The following INSL6 variants were observed in gnomAD, a reference collection of about 807,000 sequenced individuals.
The protein encoded by INSL6 is insulin-like peptide INSL6.
A neutral mutation model predicts 9.4 loss-of-function variants in INSL6; 16 were observed. That is an observed-to-expected ratio of 1.70 (90% CI 1.15 to 2.59). The LOEUF (loss-of-function observed/expected upper bound fraction) is 2.59. Ranked by LOEUF, INSL6 falls within the 30% of genes most tolerant of loss-of-function variation. INSL6 has a pLI of 0.00. For missense variants in INSL6, 391 were observed against 257.3 expected, an observed-to-expected ratio of 1.52 and a Z score of -3.56; for synonymous variants, 154 against 96.9, an observed-to-expected ratio of 1.59 and a Z score of -3.46.
At chr9:5,154,215 A>T (rs538033032) in intron 2 of INSL6, among the ~76,000 whole-genome samples, 1 of 152,364 alleles carries the variant, frequency 6.6e-6, no homozygotes, top group South Asian at 2.1e-4. Flanking sequence ...AAAAACAAGA[A>T]ATGGGGAAAG....
downstream of INSL6, among the ~76,000 whole-genome samples, chr9:5,163,583 A>G (rs561238269): frequency 3.9e-5 from 6 of 152,260 alleles, no homozygotes; most frequent in East Asian, 7.7e-4. Context: ...TGTGTGTCAT[A>G]CAGATGGAAA....
chr9:5,053,125 T>G, the INSL6 span, among the ~76,000 whole-genome samples: 4 of 152,220 alleles, frequency 2.6e-5, no homozygotes, highest in Non-Finnish European at 4.4e-5. Flanking sequence ...CATGAAGAGT[T>G]CCAACTCTTT....
At chr9:5,157,931 A>C (rs1420070529) in intron 2 of INSL6, among the ~76,000 whole-genome samples, 1 of 152,174 alleles carries the variant, frequency 6.6e-6, no homozygotes, top group Non-Finnish European at 1.5e-5. Context: ...GTTTTAAGGA[A>C]ACCCAAATAA....
the INSL6 span, chr9:5,111,065 A>G: frequency 1.7e-6 from 2 of 1,176,536 alleles, no homozygotes; most frequent in Admixed American, 2.0e-5. Context: ...GGTCTTGAGA[A>G]CTGGCCCAGC....
chr9:5,122,000 AG>A (rs1348654522), downstream of INSL6, among the ~76,000 whole-genome samples: 2 of 152,184 alleles, frequency 1.3e-5, no homozygotes, highest in African/African-American at 4.8e-5. Context: ...AAATTTGTAA[AG>A]ACTAAATGTA....
the INSL6 span, among the ~76,000 whole-genome samples, chr9:5,016,081 T>TA: frequency 2.0e-5 from 3 of 152,156 alleles, no homozygotes; most frequent in South Asian, 6.2e-4. Flanking sequence ...TCCAGGATGT[T>TA]ACTTTTACTG....
chr9:5,038,243 AAAAG>A, the INSL6 span, among the ~76,000 whole-genome samples: 1,031 of 152,340 alleles, frequency 6.8e-3, 22 homozygotes, highest in African/African-American at 0.024. Flanking sequence ...AGGAACTGCT[AAAAG>A]AAAGAACAGA....
chr9:5,081,722 C>T, the INSL6 span: 26 of 1,582,218 alleles, frequency 1.6e-5, no homozygotes, highest in Non-Finnish European at 2.3e-5. Flanking sequence ...TTTATTTCTC[C>T]AGATTATGAA....
the INSL6 span, among the ~76,000 whole-genome samples, chr9:5,079,460 T>C: frequency 6.6e-6 from 1 of 151,854 alleles, no homozygotes; most frequent in Non-Finnish European, 1.5e-5. Context: ...TGGTGCAATT[T>C]AGCCTTCCAT....
At chr9:5,027,454 T>C in the INSL6 span, among the ~76,000 whole-genome samples, 1 of 152,218 alleles carries the variant, frequency 6.6e-6, no homozygotes, top group Non-Finnish European at 1.5e-5. Flanking sequence ...TTTTTGTTAG[T>C]GGAGAGTCTT....
the INSL6 span, among the ~76,000 whole-genome samples, chr9:5,105,116 A>T: frequency 6.6e-6 from 1 of 152,224 alleles, no homozygotes; most frequent in South Asian, 2.1e-4. Flanking sequence ...AGGAAGTCAA[A>T]TTGTCCCTGT....
At chr9:5,085,563 TG>T in the INSL6 span, 1 of 693,254 alleles carries the variant, frequency 1.4e-6, no homozygotes, top group South Asian at 1.6e-5. Flanking sequence ...ATATAACAGC[TG>T]TATTTCCAGT....
At position 5,174,590 on chromosome 9, in the gene INSL6, T is replaced by G. The variant is rs79919052; in HGVS notation, c.290-10325A>C. The stretch of plus-strand genomic sequence containing the variant: ...ATTGTTGGTGTTTCTGAGGACTCAG[T>G]TCTTAGTACTATTTTCTATGTACAC... On this transcript the variant is annotated intron_variant, in intron 1 of 1. Coordinates refer to ENST00000381641, the MANE Select transcript of INSL6 (RefSeq NM_007179.3). Among the ~76,000 whole-genome samples the G allele has an allele frequency of 5.6e-3, 852 of 152,308 alleles. 4 individuals are homozygous for G. Among genetic ancestry groups the G allele is most frequent in the African/African-American group, 0.019 (786 of 41,562 alleles).
chr9:5,181,105 G>A (rs2130922472), intron 1 of INSL6, among the ~76,000 whole-genome samples: 1 of 152,216 alleles, frequency 6.6e-6, no homozygotes, highest in South Asian at 2.1e-4. Flanking sequence ...TTGAAATATT[G>A]GGGGCGGGTT....
the INSL6 span, among the ~76,000 whole-genome samples, chr9:5,092,025 G>A: frequency 1.3e-5 from 2 of 151,998 alleles, no homozygotes; most frequent in East Asian, 1.9e-4. Flanking sequence ...GAGTTAATTC[G>A]GAGAGGATTA....
At position 5,138,862 on chromosome 9, in the gene INSL6, A is replaced by G. The variant is rs529215823; in HGVS notation, c.377-5270T>C. On this transcript the variant is annotated intron_variant, in intron 2 of 3. Coordinates refer to the INSL6 transcript ENST00000649639. ...GTGCCTCTTTTTTCAATTGAAATAC[A>G]TCCCCAAGTACTCTTCTGTCGGGTT... is the stretch of plus-strand genomic sequence containing the variant. Among the ~76,000 whole-genome samples, 6 of 152,234 alleles carry G rather than the reference A, an allele frequency of 3.9e-5. No individual in the cohort carries two copies. In the South Asian group the frequency reaches 1.2e-3, roughly 32 times the overall value.
At chr9:5,118,133 C>G in the INSL6 span, among the ~76,000 whole-genome samples, 1 of 152,166 alleles carries the variant, frequency 6.6e-6, no homozygotes, top group Non-Finnish European at 1.5e-5. Flanking sequence ...TGCACTCCAG[C>G]CTGGGCGACA....
chr9:5,076,761 A>G, the INSL6 span, among the ~76,000 whole-genome samples: 3 of 151,966 alleles, frequency 2.0e-5, no homozygotes, highest in Non-Finnish European at 4.4e-5. Flanking sequence ...CAGATTAAAT[A>G]CACATCTACA....
chr9:5,173,744 C>T (rs910930495), intron 1 of INSL6, among the ~76,000 whole-genome samples: 1 of 151,160 alleles, frequency 6.6e-6, no homozygotes, highest in Non-Finnish European at 1.5e-5. Context: ...TTGCACATCT[C>T]GCTCATGTAC....
Sources: gnomAD v4.1 joint callset for allele counts (sites outside exome capture counted in the v4.1 genomes callset) on GRCh38, gnomAD v4.1.1 for gene constraint, MANE v1.5 for transcripts, NCBI Gene and HGNC (gene_info 2026-07-23, HGNC 2026-07-21) for gene names.